ATP9B: variants seen among roughly 807,000 people sequenced by gnomAD.
The protein encoded by ATP9B is ATPase phospholipid transporting 9B, also known as probable phospholipid-transporting ATPase IIB.
ATP9B carries 110 observed loss-of-function variants against 146.1 expected under a neutral mutation model. The ratio of observed to expected loss-of-function variants is 0.75; its 90% CI spans 0.65 to 0.88. The LOEUF is 0.88. Among genes scored for constraint, ATP9B ranks in the 40% least tolerant of loss-of-function variants. The probability of loss-of-function intolerance (pLI) is 0.00; values close to 1 mark genes in which losing one functional copy is unlikely to be tolerated. For missense variants in ATP9B, 1,499 were observed against 1,496.4 expected (o/e 1.00, Z -0.03); for synonymous variants, 604 against 569.7 (o/e 1.06, Z -0.86).
intron 6 of ATP9B, among the ~76,000 whole-genome samples, chr18:79,152,245 G>T (rs532099310): frequency 2.0e-5 from 3 of 152,314 alleles, no homozygotes; most frequent in East Asian, 3.9e-4. Flanking sequence ...ATTAGTAGAA[G>T]TGGTTTTAAT....
intron 15 of ATP9B, among the ~76,000 whole-genome samples, chr18:79,328,649 C>T (rs577301417): frequency 6.6e-6 from 1 of 152,206 alleles, no homozygotes; most frequent in Non-Finnish European, 1.5e-5. Context: ...GCAAATATTA[C>T]ATGTAGACAC....
chr18:79,377,408 G>A lies in ATP9B; in HGVS notation c.*25G>A, dbSNP rs1285033513. The A allele has an allele frequency of 3.1e-6, 5 of 1,602,524 alleles. No homozygotes were observed. In the African/African-American group the frequency reaches 5.3e-5, roughly 17 times the overall value. ...AGGGGCTGTGCACCCCCAGCGGGCTGGCCCCAGCACCTTCTGCCCTTCCCA... is the reference window on the plus strand; with the variant it reads ...AGGGGCTGTGCACCCCCAGCGGGCTAGCCCCAGCACCTTCTGCCCTTCCCA... On this transcript the variant is annotated 3_prime_UTR_variant, in exon 30 of 30. Transcript: ENST00000426216.
intron 17 of ATP9B, among the ~76,000 whole-genome samples, chr18:79,332,009 T>C (rs2096792623): frequency 2.0e-5 from 3 of 152,244 alleles, no homozygotes. Flanking sequence ...ACGTAACTGC[T>C]GATAGCCTCC....
chr18:79,343,810 C>T (rs1245930611), intron 20 of ATP9B: 1 of 233,946 alleles, frequency 4.3e-6, no homozygotes, highest in African/African-American at 2.4e-5. Context: ...GCGCTGCTCC[C>T]CACGCCAGCC....
intron 13 of ATP9B, among the ~76,000 whole-genome samples, chr18:79,287,547 T>C (rs1350691717): frequency 4.6e-5 from 7 of 151,986 alleles, no homozygotes. Flanking sequence ...ATCAATTTTG[T>C]TGATCCTTTC....
At chr18:79,114,460 C>T (rs28495867) in intron 4 of ATP9B, among the ~76,000 whole-genome samples, 37,910 of 151,872 alleles carry the variant, frequency 0.25, 5,064 homozygotes, top group East Asian at 0.5. Context: ...GCTCCGTCTC[C>T]CTAACCAGAG....
intron 10 of ATP9B, 41 bp downstream of exon 10, chr18:79,207,053 T>C (rs755880815): frequency 1.3e-6 from 2 of 1,572,136 alleles, no homozygotes; most frequent in Non-Finnish European, 1.8e-6. Context: ...TGCTCCCGGA[T>C]AGATGATGCT....
At chr18:79,213,342 A>G (rs1164779050) in intron 10 of ATP9B, among the ~76,000 whole-genome samples, 1 of 151,954 alleles carries the variant, frequency 6.6e-6, no homozygotes, top group East Asian at 1.9e-4. Flanking sequence ...CGGTCATACC[A>G]AGGATATTTT....
Position 79,330,043 on chromosome 18 carries a change from T to C in ATP9B, c.1967T>C (p.Met656Thr). ...TCCACGGCAGAAATCACATTCTACATGAAGGGCGCTGACGTGGCCATGTCT... is the reference window on the plus strand; with the variant it reads ...TCCACGGCAGAAATCACATTCTACACGAAGGGCGCTGACGTGGCCATGTCT... The part of the protein sequence containing the change: ...DESTAEITFY[M>T]KGADVAMSPI... Residue 656 changes from methionine to threonine, a missense_variant, in exon 17 of 30, where the codon ATG (methionine) becomes ACG (threonine). Transcript: ENST00000426216. The C allele has an allele frequency of 6.2e-7, 1 of 1,614,182 alleles. No homozygotes were observed. The highest frequency in any genetic ancestry group is 1.3e-5 in the African/African-American group (1 of 75,058).
chr18:79,300,886 G>A (rs957234145), intron 13 of ATP9B, among the ~76,000 whole-genome samples: 1 of 152,132 alleles, frequency 6.6e-6, no homozygotes, highest in African/African-American at 2.4e-5. Context: ...TTAAAAAAGT[G>A]GCATTAATCA....
chr18:79,290,594 C>T (rs563124746), intron 13 of ATP9B, among the ~76,000 whole-genome samples: 48 of 152,336 alleles, frequency 3.2e-4, no homozygotes, highest in African/African-American at 6.7e-4. Flanking sequence ...CGCCCTGCTT[C>T]GGCTCGCGCA....
chr18:79,374,186 T>A (rs1327910809), intron 28 of ATP9B, 85 bp downstream of exon 28: 1 of 1,429,906 alleles, frequency 7.0e-7, no homozygotes, highest in African/African-American at 1.4e-5. Flanking sequence ...GAATACATTG[T>A]GTTAAGTTGT....
At chr18:79,078,294 CTG>C (rs903518263) in intron 1 of ATP9B, 3 of 152,304 alleles carry the variant, frequency 2.0e-5, no homozygotes, top group African/African-American at 7.2e-5. Context: ...CTTTTTTGGT[CTG>C]TGTCTATTAC....
chr18:79,070,024 A>G (rs1272038606), intron 1 of ATP9B, among the ~76,000 whole-genome samples: 1 of 152,230 alleles, frequency 6.6e-6, no homozygotes, highest in South Asian at 2.1e-4. Context: ...ACATATATAT[A>G]CAAAGTGCTT....
Position 79,096,521 on chromosome 18 carries a change from A to G in ATP9B, c.165A>G (p.Leu55=). 1 of 1,614,024 alleles carries G rather than the reference A, an allele frequency of 6.2e-7. No individual in the cohort carries two copies. The highest frequency in any genetic ancestry group is 8.5e-7 in the Non-Finnish European group (1 of 1,179,954). ...CTGCGCATTTGGATGAAATGCCACT[A>G]ATGATGTCTGAAGAAGGCTTTGAGA... ...DESAHLDEMP[L]MMSEEGFENE... is the part of the protein sequence containing the mutation. The change falls in exon 2 of 30, where the codon CTA becomes CTG. Residue 55 remains leucine (L), a synonymous_variant. Transcript: ENST00000426216.
intron 12 of ATP9B, chr18:79,253,781 T>C: frequency 2.7e-6 from 1 of 372,646 alleles, no homozygotes. Flanking sequence ...TGATGGTGTC[T>C]TCTTCAACAA....
intron 15 of ATP9B, among the ~76,000 whole-genome samples, chr18:79,325,934 C>G (rs1315176006): frequency 2.1e-5 from 3 of 145,018 alleles, no homozygotes; most frequent in Non-Finnish European, 4.6e-5. Context: ...CCTCCCTCCC[C>G]TCACATGGTG....
Position 79,119,848 on chromosome 18 carries a change from G to A in ATP9B, c.559-6419G>A, listed in dbSNP as rs150948857. On this transcript the variant is annotated intron_variant, in intron 4 of 29. Coordinates refer to ENST00000426216, the MANE Select transcript of ATP9B (RefSeq NM_198531.5). Reference sequence around the variant, plus strand: ...TGAGCAAACCTCTTAAAAAGTTGATGTACACCTTAGGCTTACCTTCAAATC... The same window carrying A: ...TGAGCAAACCTCTTAAAAAGTTGATATACACCTTAGGCTTACCTTCAAATC... Among the ~76,000 whole-genome samples, 7 of 152,286 alleles carry A rather than the reference G, an allele frequency of 4.6e-5. No homozygotes were observed. The East Asian group carries it at 1.4e-3, about 29-fold the overall frequency.
chr18:79,347,644 C>A, intron 23 of ATP9B, 126 bp from the exon 24 acceptor site: 1 of 1,182,082 alleles, frequency 8.5e-7, no homozygotes, highest in Non-Finnish European at 1.1e-6. Context: ...GGAGCTGAAG[C>A]TTTACAAGTT....
Sources: allele counts gnomAD v4.1 joint callset (sites outside exome capture counted in the v4.1 genomes callset), GRCh38; gene constraint gnomAD v4.1.1; transcripts MANE v1.5; gene names NCBI Gene and HGNC (gene_info 2026-07-23, HGNC 2026-07-21).